The following FRY variants were observed in gnomAD, a reference collection of about 807,000 sequenced individuals.
FRY encodes the protein protein furry homolog.
In FRY, 128 loss-of-function variants were observed where a neutral mutation model predicts 348.4. The observed-to-expected ratio is 0.37, with a 90% CI of 0.32 to 0.43. The LOEUF (loss-of-function observed/expected upper bound fraction) is 0.43, where lower values mean the gene tolerates loss of function less well. FRY is among the 20% of genes least tolerant of loss of function. FRY has a pLI of 1.00. For missense variants in FRY, 2,736 were observed against 3,695.2 expected (o/e 0.74, Z 6.73); for synonymous variants, 1,370 against 1,374.7 (o/e 1.00, Z 0.08).
At chr13:32,179,384 TATC>T (rs1882558949) in intron 22 of FRY, among the ~76,000 whole-genome samples, 1 of 152,168 alleles carries the variant, frequency 6.6e-6, no homozygotes, top group Admixed American at 6.5e-5. Flanking sequence ...TTAAATAAAT[TATC>T]TTGTTAAAGA....
chr13:32,119,743 A>C (rs1197533811), intron 4 of FRY, among the ~76,000 whole-genome samples: 2 of 152,082 alleles, frequency 1.3e-5, no homozygotes, highest in African/African-American at 4.8e-5. Flanking sequence ...CCTTTCCCCC[A>C]GCTCGCAGTG....
chr13:32,070,194 A>G (rs1874544935), intron 1 of FRY, among the ~76,000 whole-genome samples: 1 of 152,188 alleles, frequency 6.6e-6, no homozygotes, highest in Admixed American at 6.5e-5. Context: ...GTGTCCTTAT[A>G]GTAGCATGAT....
chr13:32,084,440 C>A (rs576572526), intron 2 of FRY, among the ~76,000 whole-genome samples: 1 of 152,056 alleles, frequency 6.6e-6, no homozygotes, highest in Non-Finnish European at 1.5e-5. Flanking sequence ...GCATGCTGAC[C>A]CCTCTTCCTG....
In FRY at chr13:32,124,835, G is replaced by T; in HGVS notation, c.676G>T (p.Asp226Tyr). 2 of 1,613,412 alleles carry T rather than the reference G, an allele frequency of 1.2e-6. No homozygotes were observed. Among genetic ancestry groups the T allele is most frequent in the Non-Finnish European group, 1.7e-6 (2 of 1,179,336 alleles). Residue 226 changes from aspartate (D) to tyrosine (Y), a missense_variant, in exon 7 of 61, where the codon GAC (aspartate) becomes TAC (tyrosine). This residue lies in a region of FRY where 309 missense variants were observed against 418.1 expected (regional missense o/e 0.74). Coordinates refer to ENST00000542859, the MANE Select transcript of FRY (RefSeq NM_023037.3). ...CACTGGCAATATGCATATTGTGGCA[G>T]ACCTGTATGCAGAAGTCATTGGAGT... ...PNTGNMHIVA[D>Y]LYAEVIGVLA...
chr13:32,148,213 G>A lies in FRY; in HGVS notation c.1392+266G>A, dbSNP rs557040133. 4.6e-5 allele frequency among the ~76,000 whole-genome samples: 7 copies of A among 152,278 alleles called. 1 individual carries two copies. In the East Asian group the frequency reaches 1.4e-3, roughly 29 times the overall value. Reference sequence around the variant, plus strand: ...GGCTCATCTGAGTCACAAAGTCTGTGAATTAGTACGATTGTCTTGACTCTT... The same window carrying A: ...GGCTCATCTGAGTCACAAAGTCTGTAAATTAGTACGATTGTCTTGACTCTT... On this transcript the variant is annotated intron_variant, in intron 13 of 60. Coordinates refer to ENST00000542859, the MANE Select transcript of FRY (RefSeq NM_023037.3).
At chr13:32,126,563 A>G (rs1192118248) in intron 7 of FRY, among the ~76,000 whole-genome samples, 1 of 152,240 alleles carries the variant, frequency 6.6e-6, no homozygotes, top group Non-Finnish European at 1.5e-5. Context: ...CCATTTGGAC[A>G]GTGCTCCAGT....
Position 32,212,362 on chromosome 13 carries a change from A to G in FRY, c.4662A>G (p.Ile1554Met). ...TCCCAGATGCTGAGGAGAACAAGAT[A>G]TTGAAAGAATCTGATGAAAGGTTGG... ...ENFPDAEENKILKESDERFSN... is the reference protein window; with the variant it reads ...ENFPDAEENKMLKESDERFSN... Residue 1554 changes from isoleucine to methionine, a missense_variant, in exon 35 of 61, where the codon ATA (isoleucine) becomes ATG (methionine). Around this residue, in one of 9 missense-constraint regions of FRY, gnomAD observed 794 missense variants for 977.0 expected, o/e 0.81. Transcript: ENST00000542859. 1 of 1,603,140 alleles carries G rather than the reference A, an allele frequency of 6.2e-7. No individual in the cohort carries two copies. The highest frequency in any genetic ancestry group is 1.1e-5 in the South Asian group (1 of 90,078).
intron 7 of FRY, among the ~76,000 whole-genome samples, chr13:32,129,875 C>T (rs1267976205): frequency 6.6e-6 from 1 of 152,180 alleles, no homozygotes; most frequent in Non-Finnish European, 1.5e-5. Flanking sequence ...AGAATCCCCT[C>T]ACGCCCCACT....
At position 32,210,995 on chromosome 13, in the gene FRY, C is replaced by T. The variant is rs371938559; in HGVS notation, c.4552C>T (p.Arg1518Cys). Residue 1518 changes from arginine (R) to cysteine (C), a missense_variant, in exon 34 of 61, where the codon CGC becomes TGC. Around this residue, in one of 9 missense-constraint regions of FRY, gnomAD observed 794 missense variants for 977.0 expected, o/e 0.81. Coordinates refer to ENST00000542859, the MANE Select transcript of FRY (RefSeq NM_023037.3). ...GCATTGTGACAACCCGCCCTTCTACCGCTTCACGGCCAGTAGCAAGGCTTC... is the reference window on the plus strand; with the variant it reads ...GCATTGTGACAACCCGCCCTTCTACTGCTTCACGGCCAGTAGCAAGGCTTC... ...VQHCDNPPFY[R>C]FTASSKASAA... is the part of the protein sequence containing the mutation. The T allele has an allele frequency of 3.1e-5, 50 of 1,613,898 alleles. No homozygotes were observed. The highest frequency in any genetic ancestry group is 3.7e-5 in the Non-Finnish European group (44 of 1,179,880).
chr13:32,134,887 C>G lies in FRY; in HGVS notation c.886-17C>G. 1 of 1,529,168 alleles carries G rather than the reference C, an allele frequency of 6.5e-7. No individual in the cohort carries two copies. The allele number at this position is 1,529,168 out of a possible 1,614,324, so 94.7% of individuals were successfully genotyped here. ...TCAACCTACTCTCCCTCCCTATACT[C>G]TTTTTCTGCTTCCCAGGAATGTGCA... On this transcript the variant is annotated splice_polypyrimidine_tract_variant and intron_variant, in intron 8 of 60. Coordinates refer to ENST00000542859, the MANE Select transcript of FRY (RefSeq NM_023037.3).
intron 1 of FRY, 25 bp downstream of exon 1, chr13:32,031,890 T>G: frequency 2.4e-6 from 3 of 1,248,464 alleles, no homozygotes; most frequent in Non-Finnish European, 3.5e-6. Context: ...ATAACCTTTT[T>G]GTTTGTTTGT....
intron 3 of FRY, among the ~76,000 whole-genome samples, chr13:32,105,500 G>T (rs1877477257): frequency 6.6e-6 from 1 of 152,152 alleles, no homozygotes; most frequent in Non-Finnish European, 1.5e-5. Context: ...AGTTCCATTG[G>T]TAAGGCCATG....
At chr13:32,209,395 A>T (rs2138353916) in intron 32 of FRY, among the ~76,000 whole-genome samples, 190 bp from the exon 33 acceptor site, 1 of 152,320 alleles carries the variant, frequency 6.6e-6, no homozygotes, top group South Asian at 2.1e-4. Flanking sequence ...ATGAATAGGT[A>T]TTATGCATGA....
Position 32,262,429 on chromosome 13 carries a change from C to T in FRY, c.7733C>T (p.Ala2578Val). 6.2e-7 allele frequency: 1 copy of T among 1,613,494 alleles called. No homozygotes were observed. Among genetic ancestry groups the T allele is most frequent in the Non-Finnish European group, 8.5e-7 (1 of 1,179,428 alleles). The change falls in exon 53 of 61, where the codon GCT becomes GTT. Residue 2578 changes from alanine (A) to valine (V), a missense_variant. By Grantham distance (64) the Ala-to-Val change is moderately conservative. Around this residue, in one of 9 missense-constraint regions of FRY, gnomAD observed 789 missense variants for 996.2 expected, o/e 0.79. Coordinates refer to ENST00000542859, the MANE Select transcript of FRY (RefSeq NM_023037.3). ...AACACCAGAATGTCCAGCTTTGATG[C>T]TTCCTTGCCTGATATGAATAATCTG... ...SFNTRMSSFD[A>V]SLPDMNNLQI...
At chr13:32,290,652 C>T (rs1028012026) in intron 59 of FRY, among the ~76,000 whole-genome samples, 8 of 151,998 alleles carry the variant, frequency 5.3e-5, no homozygotes, top group South Asian at 4.1e-4. Context: ...GGCAGCTATG[C>T]GGAGGGTGGG....
rs747890627 is a variant in FRY at position 32,295,151 on chromosome 13, A to T, written c.8784-51A>T. On this transcript the variant is annotated intron_variant, in intron 60 of 60. Coordinates refer to ENST00000542859, the MANE Select transcript of FRY (RefSeq NM_023037.3). The stretch of plus-strand genomic sequence containing the variant: ...TATTAATGAAGACTCATAAGCTCCC[A>T]ACTTTGTGACTAATAGTGCCTCTAA... 9 of 1,582,782 alleles carry T rather than the reference A, an allele frequency of 5.7e-6. No individual in the cohort carries two copies. The East Asian group carries it at 1.8e-4, about 31-fold the overall frequency.
At chr13:32,060,792 A>G (rs770158379) in intron 1 of FRY, 1 of 258,110 alleles carries the variant, frequency 3.9e-6, no homozygotes, top group Non-Finnish European at 7.8e-6. Context: ...GTTCTTGTGG[A>G]TAAATATAGA....
chr13:32,156,366 G>C (rs1366682209), intron 15 of FRY, among the ~76,000 whole-genome samples: 1 of 152,112 alleles, frequency 6.6e-6, no homozygotes, highest in Non-Finnish European at 1.5e-5. Flanking sequence ...CCAGCATTTT[G>C]GGAGGCCGAA....
Position 32,239,787 on chromosome 13 carries a change from C to T in FRY, c.6593C>T (p.Thr2198Met), listed in dbSNP as rs779340624. Residue 2198 changes from threonine (T) to methionine (M), a missense_variant, in exon 46 of 61, where the codon ACG (threonine) becomes ATG (methionine). Physicochemically the swap from Thr to Met is moderately conservative, Grantham distance 81. This residue lies in a region of FRY where 789 missense variants were observed against 996.2 expected (regional missense o/e 0.79). Transcript: ENST00000542859. This position sits in a 1 kb window ranked among gnomAD's most constrained non-coding sequence, Gnocchi z 4.3. ...VMTLYKTHSY[T>M]RDCATWVNVV... ...ACTCTTTATAAAACGCACAGCTACA[C>T]GAGGGACTGTGCCACGTGGGTCAAT... is the stretch of plus-strand genomic sequence containing the variant. 1.1e-5 allele frequency: 17 copies of T among 1,613,780 alleles called. No homozygotes were observed. Among genetic ancestry groups the T allele is most frequent in the Admixed American group, 3.3e-5 (2 of 60,002 alleles).
Sources: gnomAD v4.1 joint callset for allele counts (sites outside exome capture counted in the v4.1 genomes callset) on GRCh38, gnomAD v4.1.1 for gene constraint, gnomAD v4.1.1 regional missense constraint, Gnocchi (gnomAD v3.1) non-coding constraint, MANE v1.5 for transcripts, NCBI Gene and HGNC (gene_info 2026-07-23, HGNC 2026-07-21) for gene names.